The following GARIN1A variants were observed in gnomAD, a reference collection of about 807,000 sequenced individuals.
GARIN1A encodes Golgi-associated RAB2 interactor protein 1A.
chr7:128,689,147 G>T, the GARIN1A span, among the ~76,000 whole-genome samples: 1 of 151,970 alleles, frequency 6.6e-6, no homozygotes, highest in Non-Finnish European at 1.5e-5. Context: ...ATCTCGGCTC[G>T]CTACAACCTC....
chr7:128,694,676 G>C, the GARIN1A span, among the ~76,000 whole-genome samples: 1 of 152,176 alleles, frequency 6.6e-6, no homozygotes, highest in Non-Finnish European at 1.5e-5. Context: ...TCCTCTCTGA[G>C]CATAAGAATT....
At chr7:128,672,228 A>T in the GARIN1A span, 2 of 543,242 alleles carry the variant, frequency 3.7e-6, no homozygotes, top group Non-Finnish European at 6.5e-6. Context: ...CCTTGATGTC[A>T]TTCCTGCCAT....
chr7:128,692,365 G>A, the GARIN1A span, among the ~76,000 whole-genome samples: 2 of 152,154 alleles, frequency 1.3e-5, no homozygotes, highest in Admixed American at 6.5e-5. Flanking sequence ...CAAAATGAGG[G>A]AAGAAACAAC....
the GARIN1A span, chr7:128,677,516 A>AAAAG: frequency 1.4e-5 from 21 of 1,465,242 alleles, no homozygotes; most frequent in Middle Eastern, 2.5e-4. Flanking sequence ...AAAAAAAAAA[A>AAAAG]AAAAGAAACC....
At chr7:128,681,459 T>G in the GARIN1A span, among the ~76,000 whole-genome samples, 2 of 68,598 alleles carry the variant, frequency 2.9e-5, no homozygotes, top group African/African-American at 5.7e-5. Flanking sequence ...TCCCCTCCCC[T>G]CCCCTCCCCT....
At chr7:128,684,250 TAAAAG>T in the GARIN1A span, 10 of 152,182 alleles carry the variant, frequency 6.6e-5, no homozygotes, top group African/African-American at 2.2e-4. Flanking sequence ...AAGCCCAAAA[TAAAAG>T]AAATCCTGAG....
chr7:128,698,108 G>A, the GARIN1A span, among the ~76,000 whole-genome samples: 5 of 152,118 alleles, frequency 3.3e-5, no homozygotes, highest in East Asian at 7.7e-4. Context: ...GTATAGGTAG[G>A]TTACAATCAT....
the GARIN1A span, chr7:128,683,107 T>C: frequency 6.2e-7 from 1 of 1,612,658 alleles, no homozygotes; most frequent in Non-Finnish European, 8.5e-7. Flanking sequence ...AATGAGCACC[T>C]TCTACAAGTT....
the GARIN1A span, chr7:128,680,215 C>T: frequency 1.2e-6 from 1 of 831,114 alleles, no homozygotes; most frequent in Non-Finnish European, 1.9e-6. Flanking sequence ...GTCAACGAAC[C>T]TATCTCAGTT....
chr7:128,680,283 T>G, the GARIN1A span: 1 of 481,244 alleles, frequency 2.1e-6, no homozygotes, highest in South Asian at 4.5e-5. Flanking sequence ...TCTGTCAATT[T>G]TATTGTAAGC....
the GARIN1A span, among the ~76,000 whole-genome samples, chr7:128,679,187 T>G: frequency 6.6e-6 from 1 of 151,910 alleles, no homozygotes; most frequent in African/African-American, 2.4e-5. Context: ...TAAATTGATT[T>G]GTAAAATTAA....
the GARIN1A span, among the ~76,000 whole-genome samples, chr7:128,681,656 C>T: frequency 4.3e-3 from 651 of 151,878 alleles, 4 homozygotes; most frequent in African/African-American, 0.015. Context: ...CATGCACCAC[C>T]ATGCCTGGCT....
the GARIN1A span, among the ~76,000 whole-genome samples, chr7:128,701,888 G>A: frequency 4.6e-5 from 7 of 152,084 alleles, no homozygotes; most frequent in South Asian, 1.0e-3. Context: ...GAAGTTAACA[G>A]GCTTAAGGCT....
At chr7:128,688,386 T>TA in the GARIN1A span, among the ~76,000 whole-genome samples, 1 of 152,224 alleles carries the variant, frequency 6.6e-6, no homozygotes, top group East Asian at 1.9e-4. Context: ...AAGCATACCC[T>TA]ATGCACAAAA....
the GARIN1A span, chr7:128,677,605 G>C: frequency 6.2e-7 from 1 of 1,612,862 alleles, no homozygotes; most frequent in Non-Finnish European, 8.5e-7. Context: ...ATCTACGACC[G>C]GCTCCAGCGC....
At chr7:128,680,245 A>G in the GARIN1A span, 1 of 633,596 alleles carries the variant, frequency 1.6e-6, no homozygotes, top group Non-Finnish European at 2.6e-6. Flanking sequence ...TATTCTTTGT[A>G]TTTTAGATAG....
chr7:128,674,360 A>G, the GARIN1A span, among the ~76,000 whole-genome samples: 4 of 152,170 alleles, frequency 2.6e-5, no homozygotes, highest in African/African-American at 9.7e-5. Flanking sequence ...CCTGGCTTCA[A>G]GTGATACTCC....
chr7:128,678,329 T>A, the GARIN1A span, among the ~76,000 whole-genome samples: 272 of 152,300 alleles, frequency 1.8e-3, 1 homozygote, highest in Middle Eastern at 0.01. Flanking sequence ...CCTGTATTTG[T>A]TTATTATTGT....
the GARIN1A span, chr7:128,691,658 A>G: frequency 0.18 from 27,073 of 152,260 alleles, 2,544 homozygotes; most frequent in Middle Eastern, 0.27. Context: ...TTATATGCTC[A>G]TTATAATGCA....
Sources: gnomAD v4.1 joint callset for allele counts (sites outside exome capture counted in the v4.1 genomes callset) on GRCh38, gnomAD v4.1.1 for gene constraint, MANE v1.5 for transcripts, NCBI Gene and HGNC (gene_info 2026-07-23, HGNC 2026-07-21) for gene names.